Variants in CFAP54 observed in about 807,000 individuals in gnomAD.
CFAP54 encodes the protein cilia and flagella associated protein 54.
A neutral mutation model predicts 370.4 loss-of-function variants in CFAP54; 290 were observed. That is an observed-to-expected ratio of 0.78 (90% CI 0.71 to 0.86). The LOEUF (loss-of-function observed/expected upper bound fraction) is 0.86. Ranked by LOEUF, CFAP54 falls within the 40% of genes least tolerant of loss-of-function variation. The pLI is 0.00. For synonymous variants in CFAP54, 1,206 were observed against 1,236.5 expected, an observed-to-expected ratio of 0.98 and a Z score of 0.52; for missense variants, 3,399 against 3,528.7, an observed-to-expected ratio of 0.96 and a Z score of 0.93.
intron 19 of CFAP54, among the ~76,000 whole-genome samples, chr12:96,570,179 G>T (rs1389920774): frequency 7.2e-5 from 11 of 151,864 alleles, no homozygotes; most frequent in African/African-American, 2.7e-4. Flanking sequence ...TTGTCATGTT[G>T]CCCAGCATGG....
At chr12:96,531,657 T>C (rs1955441292) in intron 9 of CFAP54, among the ~76,000 whole-genome samples, 1 of 152,170 alleles carries the variant, frequency 6.6e-6, no homozygotes, top group Non-Finnish European at 1.5e-5. Context: ...TCTTTGATTC[T>C]CTCTGTTCTA....
chr12:96,808,926 T>G (rs1478803348), intron 63 of CFAP54, among the ~76,000 whole-genome samples: 1 of 152,206 alleles, frequency 6.6e-6, no homozygotes, highest in Non-Finnish European at 1.5e-5. Flanking sequence ...TAAAAAGACC[T>G]TGAATGTCTA....
intron 25 of CFAP54, among the ~76,000 whole-genome samples, chr12:96,597,619 GAAAC>G (rs2136440280): frequency 6.6e-6 from 1 of 151,840 alleles, no homozygotes; most frequent in South Asian, 2.1e-4. Context: ...GCAGCCATTA[GAAAC>G]AAACAATGAA....
At chr12:96,529,907 C>T (rs1186687633) in intron 9 of CFAP54, among the ~76,000 whole-genome samples, 1 of 152,092 alleles carries the variant, frequency 6.6e-6, no homozygotes, top group Non-Finnish European at 1.5e-5. Flanking sequence ...TCAGCTACCC[C>T]AATGTCGTAA....
intron 26 of CFAP54, among the ~76,000 whole-genome samples, chr12:96,607,516 C>A (rs1956313902): frequency 6.6e-6 from 1 of 151,720 alleles, no homozygotes; most frequent in Admixed American, 6.6e-5. Flanking sequence ...CAAGAAATAC[C>A]CCTTCCAACA....
At chr12:96,865,126 C>T (rs930071640) in intron 67 of CFAP54, among the ~76,000 whole-genome samples, 17 of 152,006 alleles carry the variant, frequency 1.1e-4, no homozygotes, top group African/African-American at 3.1e-4. Flanking sequence ...ATTTGCCCAA[C>T]AAGACTTGTG....
intron 12 of CFAP54, among the ~76,000 whole-genome samples, chr12:96,538,162 T>C (rs1218608009): frequency 6.6e-6 from 1 of 152,142 alleles, no homozygotes; most frequent in East Asian, 1.9e-4. Flanking sequence ...TGCCACTCTT[T>C]AGTCATTTCA....
chr12:96,721,300 G>A (rs1482326758), intron 50 of CFAP54, among the ~76,000 whole-genome samples: 1 of 152,106 alleles, frequency 6.6e-6, no homozygotes, highest in East Asian at 1.9e-4. Flanking sequence ...ACTGTTGTAG[G>A]TAGCTAATTA....
At position 96,699,997 on chromosome 12, in the gene CFAP54, C is replaced by A; in HGVS notation, c.6378C>A (p.Phe2126Leu). ...LKIEVLIDLR[F>L]FSEAFYEISQ... ...TAGAAGTCCTTATAGATTTGAGATT[C>A]TTTTCTGAAGCCTTTTATGAGATAT... Residue 2126 changes from phenylalanine (F) to leucine (L), a missense_variant, in exon 46 of 68, where the codon TTC (phenylalanine) becomes TTA (leucine). Around this residue, in one of 3 missense-constraint regions of CFAP54, gnomAD observed 2,796 missense variants for 2,869.7 expected, o/e 0.97. Transcript: ENST00000524981. 6.3e-7 allele frequency: 1 copy of A among 1,587,358 alleles called. No homozygotes were observed. Among genetic ancestry groups the A allele is most frequent in the African/African-American group, 1.3e-5 (1 of 74,112 alleles).
chr12:96,782,881 G>T (rs1277633139), intron 60 of CFAP54, among the ~76,000 whole-genome samples: 1 of 152,084 alleles, frequency 6.6e-6, no homozygotes, highest in Non-Finnish European at 1.5e-5. Flanking sequence ...GTTCATAACA[G>T]TAAAGACCAA....
chr12:96,491,274 G>A (rs1334393849), intron 1 of CFAP54, among the ~76,000 whole-genome samples: 1 of 152,166 alleles, frequency 6.6e-6, no homozygotes, highest in African/African-American at 2.4e-5. Context: ...CAGGGAGAAT[G>A]GCAGATGGGA....
intron 6 of CFAP54, among the ~76,000 whole-genome samples, chr12:96,521,527 TGTGTGTGTGTGTGTGTGTGTGC>T (rs907748481): frequency 4.1e-5 from 5 of 121,382 alleles, no homozygotes; most frequent in African/African-American, 7.0e-5. Context: ...TGTGTGTGTG[TGTGTGTGTGTGTGTGTGTGTGC>T]GCGTGCGCAC....
chr12:96,650,144 C>A, intron 35 of CFAP54, 72 bp downstream of exon 35: 1 of 1,269,922 alleles, frequency 7.9e-7, no homozygotes, highest in Non-Finnish European at 1.1e-6. Context: ...GTTTAAGATA[C>A]ATTGTGTTTA....
rs1296977692 is a variant in CFAP54 at position 96,489,851 on chromosome 12, A to T, written c.242A>T (p.Glu81Val). 2 of 1,535,984 alleles carry T rather than the reference A, an allele frequency of 1.3e-6. No individual in the cohort carries two copies. Among genetic ancestry groups the T allele is most frequent in the Admixed American group, 3.9e-5 (2 of 50,980 alleles). ...LLASCEKEIQ[E>V]LLGFMRKKKA... Reference sequence around the variant, plus strand: ...GCCTCTTGTGAGAAGGAGATCCAGGAGTTGTTAGGCTTTATGAGGAAAAAG... The same window carrying T: ...GCCTCTTGTGAGAAGGAGATCCAGGTGTTGTTAGGCTTTATGAGGAAAAAG... Residue 81 changes from glutamate (E) to valine (V), a missense_variant, in exon 1 of 68, where the codon GAG becomes GTG. By Grantham distance (121) the Glu-to-Val change is moderately radical. This residue lies in a region of CFAP54 where 559 missense variants were observed against 576.7 expected (regional missense o/e 0.97). Transcript: ENST00000524981.
Position 96,521,881 on chromosome 12 carries a change from A to C in CFAP54, c.967A>C (p.Lys323Gln). ...GGCATTTGCTCGGCGTGCTTTGGCTAAAATTGATGAGTTAAGGCAACTGGA... is the reference window on the plus strand; with the variant it reads ...GGCATTTGCTCGGCGTGCTTTGGCTCAAATTGATGAGTTAAGGCAACTGGA... ...GEAFARRALA[K>Q]IDELRQLELM... The change falls in exon 7 of 68, where the codon AAA becomes CAA. Residue 323 changes from lysine to glutamine, a missense_variant. Coordinates refer to ENST00000524981, the MANE Select transcript of CFAP54 (RefSeq NM_001306084.2). The C allele has an allele frequency of 6.5e-7, 1 of 1,531,010 alleles. No homozygotes were observed. The highest frequency in any genetic ancestry group is 8.8e-7 in the Non-Finnish European group (1 of 1,142,676). The allele number at this position is 1,531,010 out of a possible 1,614,324, so 94.8% of individuals were successfully genotyped here. A position where few individuals can be genotyped will look rare whatever the true frequency, so the allele number is the denominator to read the frequency against.
intron 46 of CFAP54, among the ~76,000 whole-genome samples, chr12:96,703,258 A>G (rs1259761808): frequency 1.3e-5 from 2 of 152,232 alleles, no homozygotes; most frequent in African/African-American, 4.8e-5. Flanking sequence ...AAACCAATCC[A>G]GAGAGTGTGA....
At chr12:96,826,836 TCA>T (rs1215404682) in intron 65 of CFAP54, among the ~76,000 whole-genome samples, 1 of 115,374 alleles carries the variant, frequency 8.7e-6, no homozygotes, top group African/African-American at 3.5e-5. Context: ...ATATAATATA[TCA>T]TATAATATTA....
At chr12:96,672,521 A>G (rs960294262) in intron 39 of CFAP54, among the ~76,000 whole-genome samples, 1 of 152,148 alleles carries the variant, frequency 6.6e-6, no homozygotes, top group African/African-American at 2.4e-5. Flanking sequence ...GTTGTAGAGT[A>G]ATTTAGAGGG....
intron 50 of CFAP54, among the ~76,000 whole-genome samples, chr12:96,729,778 G>A (rs1478611916): frequency 2.0e-5 from 3 of 152,124 alleles, no homozygotes; most frequent in Non-Finnish European, 2.9e-5. Context: ...CGTCTTCTGC[G>A]TCGCTCACGC....
Sources: allele counts gnomAD v4.1 joint callset (sites outside exome capture counted in the v4.1 genomes callset), GRCh38; gene constraint gnomAD v4.1.1; regional missense constraint gnomAD v4.1.1; transcripts MANE v1.5; gene names NCBI Gene and HGNC (gene_info 2026-07-23, HGNC 2026-07-21).